Variants in PBRM1 observed in about 807,000 individuals in gnomAD.
The protein encoded by PBRM1 is protein polybromo-1.
Under a neutral mutation model 194.5 loss-of-function variants are expected in PBRM1, and 27 were observed. The ratio of observed to expected loss-of-function variants is 0.14; its 90% CI spans 0.10 to 0.19. PBRM1 has a LOEUF of 0.19. Ranked by LOEUF, PBRM1 falls within the 10% of genes least tolerant of loss-of-function variation. The pLI, the probability that PBRM1 is intolerant of heterozygous loss-of-function variation, is 1.00. For missense variants in PBRM1, 1,466 were observed against 2,077.2 expected (o/e 0.71, Z 5.72); for synonymous variants, 655 against 693.2 (o/e 0.94, Z 0.87).
chr3:52,656,659 C>T (rs1483508763), intron 5 of PBRM1, among the ~76,000 whole-genome samples: 3 of 152,040 alleles, frequency 2.0e-5, no homozygotes, highest in East Asian at 1.9e-4. Context: ...AACGAGACTC[C>T]GTCTCAACAA....
chr3:52,594,605 T>C (rs1247496218), intron 17 of PBRM1, among the ~76,000 whole-genome samples: 1 of 152,242 alleles, frequency 6.6e-6, no homozygotes, highest in Non-Finnish European at 1.5e-5. Context: ...AGTATTGATA[T>C]GTATGGATCT....
At chr3:52,570,346 T>C (rs1416498019) in intron 22 of PBRM1, among the ~76,000 whole-genome samples, 1 of 152,194 alleles carries the variant, frequency 6.6e-6, no homozygotes, top group Non-Finnish European at 1.5e-5. Flanking sequence ...AACATGTATA[T>C]GAAAAACAGG....
intron 11 of PBRM1, among the ~76,000 whole-genome samples, chr3:52,633,398 T>C (rs1480016850): frequency 6.6e-6 from 1 of 152,222 alleles, no homozygotes; most frequent in Non-Finnish European, 1.5e-5. Context: ...CACACCATTT[T>C]GCGTATCCCC....
intron 10 of PBRM1, among the ~76,000 whole-genome samples, chr3:52,635,583 C>T (rs1429931021): frequency 6.6e-6 from 1 of 151,682 alleles, no homozygotes; most frequent in Non-Finnish European, 1.5e-5. Flanking sequence ...AATACAAAAA[C>T]AAAAAAACCT....
chr3:52,615,364 G>T, exon 15 of PBRM1: 1 of 1,602,924 alleles, frequency 6.2e-7, no homozygotes, highest in Non-Finnish European at 8.5e-7. Context: ...GCTTGAGTTT[G>T]GGAGAAGCCA....
chr3:52,550,889 GA>G (rs2080815441), intron 27 of PBRM1, 72 bp from the exon 30 acceptor site: 1 of 967,656 alleles, frequency 1.0e-6, no homozygotes, highest in Admixed American at 2.0e-5. Flanking sequence ...TGTCTGATAA[GA>G]AATGATGCCA....
intron 7 of PBRM1, among the ~76,000 whole-genome samples, chr3:52,645,150 T>C (rs946917723): frequency 2.0e-5 from 3 of 152,206 alleles, no homozygotes; most frequent in Non-Finnish European, 4.4e-5. Context: ...CTGGAACACA[T>C]TTCTGTCTAT....
intron 22 of PBRM1, among the ~76,000 whole-genome samples, chr3:52,574,172 T>C (rs929025452): frequency 3.3e-5 from 5 of 152,192 alleles, no homozygotes; most frequent in Non-Finnish European, 5.9e-5. Context: ...AAGTCCAAGA[T>C]AAAGGTGCCA....
At chr3:52,563,947 A>C in intron 23 of PBRM1, 103 bp downstream of exon 25, 1 of 663,544 alleles carries the variant, frequency 1.5e-6, no homozygotes, top group Non-Finnish European at 2.6e-6. Flanking sequence ...AATATTTACT[A>C]CTCTAGTTTA....
upstream of PBRM1, chr3:52,679,780 T>G: frequency 7.0e-7 from 1 of 1,434,476 alleles, no homozygotes; most frequent in Non-Finnish European, 9.6e-7. Flanking sequence ...TGTCACCAAG[T>G]CTTCAGCTGG....
At chr3:52,559,411 A>T (rs1219330102) in intron 25 of PBRM1, among the ~76,000 whole-genome samples, 1 of 152,046 alleles carries the variant, frequency 6.6e-6, no homozygotes, top group Non-Finnish European at 1.5e-5. Context: ...GTATTTCCAA[A>T]GCTCCCACCA....
intron 20 of PBRM1, chr3:52,585,436 T>C (rs1237794077): frequency 6.6e-6 from 1 of 152,234 alleles, no homozygotes; most frequent in East Asian, 1.9e-4. Flanking sequence ...TCCATTTTGG[T>C]AATTTGTAAT....
intron 4 of PBRM1, among the ~76,000 whole-genome samples, chr3:52,660,221 AG>A (rs1194231954): frequency 3.3e-5 from 5 of 152,212 alleles, no homozygotes; most frequent in Non-Finnish European, 7.3e-5. Flanking sequence ...TCTTTTGACT[AG>A]AGCCCTGAAG....
intron 29 of PBRM1, among the ~76,000 whole-genome samples, chr3:52,550,023 G>A (rs1447735899): frequency 6.6e-6 from 1 of 152,148 alleles, no homozygotes; most frequent in Non-Finnish European, 1.5e-5. Flanking sequence ...TTTGAGACCA[G>A]CCTGGCTGAT....
chr3:52,600,334 G>A (rs901862734), intron 17 of PBRM1, among the ~76,000 whole-genome samples: 2 of 152,106 alleles, frequency 1.3e-5, no homozygotes, highest in African/African-American at 4.8e-5. Context: ...ACTTTATGGT[G>A]TCCCTTATGT....
chr3:52,575,503 ATTGTCTTT>A (rs1398431510), intron 22 of PBRM1, among the ~76,000 whole-genome samples: 2 of 143,316 alleles, frequency 1.4e-5, no homozygotes, highest in Non-Finnish European at 3.0e-5. Context: ...CTTTAAATCA[ATTGTCTTT>A]TTTTTTTTTT....
At chr3:52,674,823 A>G (rs1319847237) in intron 2 of PBRM1, among the ~76,000 whole-genome samples, 1 of 151,246 alleles carries the variant, frequency 6.6e-6, no homozygotes, top group Non-Finnish European at 1.5e-5. Context: ...TACTATATAC[A>G]TACACACGTA....
intron 20 of PBRM1, among the ~76,000 whole-genome samples, chr3:52,583,125 T>C (rs1049150198): frequency 5.3e-5 from 5 of 94,246 alleles, no homozygotes; most frequent in African/African-American, 1.7e-4. Context: ...AAAAAACTAA[T>C]AGGGGCGGGG....
At chr3:52,558,457 A>G in intron 25 of PBRM1, 44 bp from the exon 28 acceptor site, 8 of 1,467,724 alleles carry the variant, frequency 5.5e-6, no homozygotes, top group Non-Finnish European at 5.5e-6. Context: ...TTAACCCAGG[A>G]ATTCAAAATA....
Sources: allele counts gnomAD v4.1 joint callset (sites outside exome capture counted in the v4.1 genomes callset), GRCh38; gene constraint gnomAD v4.1.1; transcripts MANE v1.5; gene names NCBI Gene and HGNC (gene_info 2026-07-23, HGNC 2026-07-21).